CRB1: variants seen among roughly 807,000 people sequenced by gnomAD.
The protein encoded by CRB1 is crumbs cell polarity complex component 1.
In CRB1, 83 loss-of-function variants were observed where a neutral mutation model predicts 120.0. The observed-to-expected ratio is 0.69, with a 90% CI of 0.58 to 0.83. CRB1 has a LOEUF of 0.83. Among genes scored for constraint, CRB1 ranks in the 40% least tolerant of loss-of-function variants. The pLI is 0.00. For missense variants in CRB1, 1,699 were observed against 1,687.6 expected, an observed-to-expected ratio of 1.01 and a Z score of -0.12; for synonymous variants, 625 against 612.5, an observed-to-expected ratio of 1.02 and a Z score of -0.30.
chr1:197,474,998 T>C (rs1463484909), intron 11 of CRB1, among the ~76,000 whole-genome samples: 1 of 152,120 alleles, frequency 6.6e-6, no homozygotes, highest in Non-Finnish European at 1.5e-5. Flanking sequence ...AACATATAAT[T>C]ATTTACAAAA....
intron 2 of CRB1, among the ~76,000 whole-genome samples, chr1:197,338,730 A>G (rs1659291028): frequency 6.6e-6 from 1 of 152,220 alleles, no homozygotes. Context: ...AAGGATTATA[A>G]TAGTCACAAT....
intron 5 of CRB1, among the ~76,000 whole-genome samples, chr1:197,367,369 G>A (rs1661132283): frequency 6.6e-6 from 1 of 152,150 alleles, no homozygotes; most frequent in Admixed American, 6.5e-5. Context: ...CCATAAAAAG[G>A]CACCATTAGA....
chr1:197,230,188 C>CTTACAATA, the CRB1 span, among the ~76,000 whole-genome samples: 1 of 152,076 alleles, frequency 6.6e-6, no homozygotes, highest in Non-Finnish European at 1.5e-5. Context: ...TGTTTTTGGC[C>CTTACAATA]TTACAATATT....
At chr1:197,384,671 C>A (rs1662124660) in intron 5 of CRB1, among the ~76,000 whole-genome samples, 1 of 152,040 alleles carries the variant, frequency 6.6e-6, no homozygotes, top group Non-Finnish European at 1.5e-5. Context: ...CAAATGAGAA[C>A]CGAAATACAT....
At chr1:197,461,283 G>T (rs936751852) in intron 11 of CRB1, among the ~76,000 whole-genome samples, 1 of 152,142 alleles carries the variant, frequency 6.6e-6, no homozygotes, top group African/African-American at 2.4e-5. Context: ...AATTGTGCAT[G>T]ATTAGTCTTC....
At chr1:197,332,702 C>T (rs1246246928) in intron 2 of CRB1, among the ~76,000 whole-genome samples, 1 of 152,146 alleles carries the variant, frequency 6.6e-6, no homozygotes, top group East Asian at 1.9e-4. Flanking sequence ...GACTCTACTT[C>T]CAGAGGGTCA....
At chr1:197,299,270 C>A (rs549424732) in intron 1 of CRB1, among the ~76,000 whole-genome samples, 1 of 152,194 alleles carries the variant, frequency 6.6e-6, no homozygotes, top group South Asian at 2.1e-4. Context: ...CACTAGTTAT[C>A]AGGGAAATGC....
chr1:197,302,884 T>C (rs533842566), intron 1 of CRB1, among the ~76,000 whole-genome samples: 1 of 152,152 alleles, frequency 6.6e-6, no homozygotes, highest in Non-Finnish European at 1.5e-5. Flanking sequence ...TGTATGCAAC[T>C]GAAGGGAAGT....
the CRB1 span, among the ~76,000 whole-genome samples, chr1:197,202,431 C>G: frequency 6.6e-6 from 1 of 151,834 alleles, no homozygotes; most frequent in African/African-American, 2.4e-5. Flanking sequence ...AATGTAAAAC[C>G]AAGATAGAAA....
chr1:197,296,635 C>T (rs1445427319), intron 1 of CRB1, among the ~76,000 whole-genome samples: 2 of 152,012 alleles, frequency 1.3e-5, no homozygotes, highest in Non-Finnish European at 2.9e-5. Context: ...TGTCTGGTAA[C>T]CAAGTTGATA....
At chr1:197,255,618 G>GA in the CRB1 span, among the ~76,000 whole-genome samples, 3 of 151,876 alleles carry the variant, frequency 2.0e-5, no homozygotes, top group Non-Finnish European at 4.4e-5. Flanking sequence ...CTGTTTTGGA[G>GA]AAAAAAGGAC....
chr1:197,431,992 G>T (rs1169168025), intron 8 of CRB1, among the ~76,000 whole-genome samples: 1 of 152,044 alleles, frequency 6.6e-6, no homozygotes, highest in Non-Finnish European at 1.5e-5. Flanking sequence ...ATACTCTTGA[G>T]AGTACAGCTG....
At chr1:197,427,411 T>C (rs368800003) in intron 6 of CRB1, 43 bp from the exon 7 acceptor site, 11 of 1,578,124 alleles carry the variant, frequency 7.0e-6, no homozygotes, top group African/African-American at 1.3e-5. Flanking sequence ...AGCCTTAAGA[T>C]GTTTCTTTTT....
chr1:197,210,303 A>C, the CRB1 span, among the ~76,000 whole-genome samples: 469 of 152,332 alleles, frequency 3.1e-3, 3 homozygotes, highest in African/African-American at 0.01. Flanking sequence ...ATTAACAGGC[A>C]AATAAGTAGA....
the CRB1 span, among the ~76,000 whole-genome samples, chr1:197,203,683 A>T: frequency 6.6e-6 from 1 of 152,206 alleles, no homozygotes; most frequent in Non-Finnish European, 1.5e-5. Flanking sequence ...AAGAAATAGA[A>T]TGTATAAGTT....
chr1:197,223,321 C>T, the CRB1 span: 3 of 627,234 alleles, frequency 4.8e-6, no homozygotes, highest in East Asian at 2.7e-5. Flanking sequence ...ATATATCATA[C>T]ATTGTGGTTT....
chr1:197,370,980 T>G (rs1422073879), intron 5 of CRB1, among the ~76,000 whole-genome samples: 1 of 152,204 alleles, frequency 6.6e-6, no homozygotes, highest in Admixed American at 6.5e-5. Flanking sequence ...TAGGCCTTAT[T>G]ATCGCTGATA....
intron 5 of CRB1, among the ~76,000 whole-genome samples, chr1:197,404,171 A>T (rs1163304318): frequency 1.3e-5 from 2 of 152,210 alleles, no homozygotes; most frequent in East Asian, 3.8e-4. Flanking sequence ...GGAAAATAGT[A>T]TTCAGACTAG....
chr1:197,396,521 C>A (rs370416067), intron 5 of CRB1, among the ~76,000 whole-genome samples: 17 of 151,826 alleles, frequency 1.1e-4, no homozygotes, highest in African/African-American at 3.9e-4. Context: ...CAATAAAAAC[C>A]AATTTGGAAA....
Sources: allele counts gnomAD v4.1 joint callset (sites outside exome capture counted in the v4.1 genomes callset), GRCh38; gene constraint gnomAD v4.1.1; transcripts MANE v1.5; gene names NCBI Gene and HGNC (gene_info 2026-07-23, HGNC 2026-07-21).